Variants in ELP2 observed in about 807,000 individuals in gnomAD.
ELP2 encodes the protein elongator complex protein 2.
ELP2 carries 90 observed loss-of-function variants against 119.2 expected under a neutral mutation model. That is an observed-to-expected ratio of 0.75 (90% CI 0.64 to 0.90). The LOEUF is 0.90. Ranked by LOEUF, ELP2 falls within the 40% of genes least tolerant of loss-of-function variation. The pLI, the probability that ELP2 is intolerant of heterozygous loss-of-function variation, is 0.00. For missense variants in ELP2, 921 were observed against 967.8 expected, an observed-to-expected ratio of 0.95 and a Z score of 0.64; for synonymous variants, 339 against 331.0, an observed-to-expected ratio of 1.02 and a Z score of -0.26.
intron 4 of ELP2, 46 bp downstream of exon 4, chr18:36,138,472 A>G: frequency 2.5e-6 from 4 of 1,591,666 alleles, no homozygotes; most frequent in Non-Finnish European, 3.4e-6. Context: ...ATAATATTTA[A>G]CAAATGAATG....
Position 36,177,780 on chromosome 18 carries a change from G to A in ELP2, c.*3139G>A, listed in dbSNP as rs888970411. On this transcript the variant is annotated 3_prime_UTR_variant, in exon 22 of 22. Transcript: ENST00000358232. ...CAGGGATAACTAAGGTTAGATAGGTGTTCTTTATTGCAGGAATTCTAAGAG... is the reference window on the plus strand; with the variant it reads ...CAGGGATAACTAAGGTTAGATAGGTATTCTTTATTGCAGGAATTCTAAGAG... 6.6e-6 allele frequency: 1 copy of A among 152,144 alleles called. No individual in the cohort carries two copies. The highest frequency in any genetic ancestry group is 1.5e-5 in the Non-Finnish European group (1 of 68,030). The allele number at this position is 152,144 out of a possible 1,614,324, so 9.4% of individuals were successfully genotyped here.
chr18:36,166,180 G>A (rs2090888855), intron 18 of ELP2, among the ~76,000 whole-genome samples: 1 of 145,154 alleles, frequency 6.9e-6, no homozygotes, highest in African/African-American at 2.6e-5. Flanking sequence ...GCATTAGAGT[G>A]AGACTTCGTC....
chr18:36,142,747 A>G, intron 7 of ELP2, 79 bp from the exon 8 acceptor site: 1 of 922,778 alleles, frequency 1.1e-6, no homozygotes, highest in Non-Finnish European at 1.7e-6. Flanking sequence ...GGAAATATAT[A>G]TATTATAGAC....
At chr18:36,163,275 G>GTGTGTGTGTGTGT (rs1555644860) in intron 17 of ELP2, among the ~76,000 whole-genome samples, 21,678 of 145,226 alleles carry the variant, frequency 0.15, 1,738 homozygotes, top group Middle Eastern at 0.24. Context: ...GTTCATGGGG[G>GTGTGTGTGTGTGT]GTGTGTGTGT....
chr18:36,136,394 A>AT lies in ELP2; in HGVS notation c.288+18dup. On this transcript the variant is annotated intron_variant, in intron 3 of 21. Transcript: ENST00000358232. ...GATAATCAGGTGAGTGGACATGTTT[A>AT]TAATCAAGAAATGACTTTTTTTGTT... The AT allele has an allele frequency of 6.3e-7, 1 of 1,582,856 alleles. No individual in the cohort carries two copies. Among genetic ancestry groups the AT allele is most frequent in the African/African-American group, 1.3e-5 (1 of 74,474 alleles).
chr18:36,153,376 C>CGTGAGT (rs757112090), intron 11 of ELP2, among the ~76,000 whole-genome samples: 46 of 152,300 alleles, frequency 3.0e-4, no homozygotes, highest in Admixed American at 9.8e-4. Flanking sequence ...CACACGATTC[C>CGTGAGT]GTGAGTCAGG....
intron 7 of ELP2, 60 bp from the exon 8 acceptor site, chr18:36,142,766 C>G: frequency 1.7e-6 from 2 of 1,172,250 alleles, no homozygotes; most frequent in Non-Finnish European, 2.5e-6. Flanking sequence ...ACAAAAAAGT[C>G]TTATACATAA....
intron 17 of ELP2, among the ~76,000 whole-genome samples, chr18:36,161,402 G>GAT (rs1270273700): frequency 6.6e-6 from 1 of 152,026 alleles, no homozygotes; most frequent in African/African-American, 2.4e-5. Flanking sequence ...ATAAAACAGC[G>GAT]ATATCTCAAA....
At chr18:36,148,778 A>T (rs772248736) in intron 11 of ELP2, among the ~76,000 whole-genome samples, 1 of 152,188 alleles carries the variant, frequency 6.6e-6, no homozygotes, top group Non-Finnish European at 1.5e-5. Flanking sequence ...TGGGAAGCTG[A>T]CGCAGGAGGA....
chr18:36,159,956 A>G lies in ELP2; in HGVS notation c.1631-2A>G. ...GAAAAAAATAGCTTCAATTTATTCT[A>G]GAGCCTCCCACTGAGGATCATCTTC... is the stretch of plus-strand genomic sequence containing the variant. On this transcript the variant is annotated splice_acceptor_variant, in intron 15 of 21. Transcript: ENST00000358232. LOFTEE classifies it high-confidence loss of function. The G allele has an allele frequency of 6.2e-7, 1 of 1,614,086 alleles. No individual in the cohort carries two copies. Among genetic ancestry groups the G allele is most frequent in the Non-Finnish European group, 8.5e-7 (1 of 1,179,974 alleles).
chr18:36,146,853 C>T (rs954912783), intron 11 of ELP2, among the ~76,000 whole-genome samples: 2 of 152,112 alleles, frequency 1.3e-5, no homozygotes, highest in African/African-American at 4.8e-5. Flanking sequence ...AAGAGGTAGT[C>T]TTCTCCCTTT....
At chr18:36,172,859 G>C (rs2091122891) in intron 21 of ELP2, among the ~76,000 whole-genome samples, 1 of 152,110 alleles carries the variant, frequency 6.6e-6, no homozygotes, top group Admixed American at 6.5e-5. Context: ...GGTGACTTAG[G>C]ATTTGCAAGA....
At chr18:36,166,802 A>C (rs535582162) in intron 18 of ELP2, 162 of 212,086 alleles carry the variant, frequency 7.6e-4, no homozygotes, top group Non-Finnish European at 1.2e-3. Context: ...GTAAGGCTAA[A>C]TAGCTTCAGG....
chr18:36,168,573 C>T (rs2090973600), intron 19 of ELP2, among the ~76,000 whole-genome samples: 1 of 152,180 alleles, frequency 6.6e-6, no homozygotes, highest in Non-Finnish European at 1.5e-5. Context: ...ACCATCAGAT[C>T]TCGTGAGAAC....
chr18:36,144,394 A>T (rs748593210), intron 8 of ELP2, among the ~76,000 whole-genome samples: 7 of 152,196 alleles, frequency 4.6e-5, no homozygotes, highest in Admixed American at 1.3e-4. Context: ...TAGTTGACTC[A>T]CAGTTCTGCA....
intron 1 of ELP2, among the ~76,000 whole-genome samples, chr18:36,130,640 A>C (rs1369206774): frequency 6.6e-6 from 1 of 152,172 alleles, no homozygotes; most frequent in Non-Finnish European, 1.5e-5. Flanking sequence ...GACTTCACCC[A>C]GTCAGTTGGT....
intron 5 of ELP2, chr18:36,139,599 C>T: frequency 2.6e-6 from 4 of 1,534,170 alleles, no homozygotes; most frequent in Non-Finnish European, 3.5e-6. Flanking sequence ...TTTCTTCCAT[C>T]TGCATTCAGG....
chr18:36,153,192 C>G (rs2090457136), intron 11 of ELP2, among the ~76,000 whole-genome samples: 1 of 152,156 alleles, frequency 6.6e-6, no homozygotes, highest in African/African-American at 2.4e-5. Flanking sequence ...TTTTAGTTTG[C>G]ATTTCCTTAT....
chr18:36,174,262 C>T (rs779119484), intron 21 of ELP2, among the ~76,000 whole-genome samples: 1 of 151,604 alleles, frequency 6.6e-6, no homozygotes, highest in Non-Finnish European at 1.5e-5. Flanking sequence ...TTGTCTGTGT[C>T]TTGCTCATTT....
Sources: allele counts gnomAD v4.1 joint callset (sites outside exome capture counted in the v4.1 genomes callset), GRCh38; gene constraint gnomAD v4.1.1; transcripts MANE v1.5; gene names NCBI Gene and HGNC (gene_info 2026-07-23, HGNC 2026-07-21).